EPB41: variants seen among roughly 807,000 people sequenced by gnomAD.
EPB41 encodes the protein erythrocyte membrane protein band 4.1, also known as protein 4.1.
Under a neutral mutation model 108.0 loss-of-function variants are expected in EPB41, and 65 were observed. The ratio of observed to expected loss-of-function variants is 0.60; its 90% confidence interval spans 0.49 to 0.74. EPB41 has a LOEUF of 0.74. Among genes scored for constraint, EPB41 ranks in the 30% least tolerant of loss-of-function variants. EPB41 has a pLI of 0.00. For missense variants in EPB41, 875 were observed against 1,037.0 expected (o/e 0.84, Z 2.15); for synonymous variants, 336 against 358.9 (o/e 0.94, Z 0.72).
At chr1:29,035,695 C>A in intron 9 of EPB41, 131 bp from the exon 10 acceptor site, 1 of 695,660 alleles carries the variant, frequency 1.4e-6, no homozygotes, top group South Asian at 1.9e-5. Flanking sequence ...TTCCAAATGA[C>A]ATTTTATGTC....
intron 1 of EPB41, among the ~76,000 whole-genome samples, chr1:28,970,508 A>C (rs141702336): frequency 6.6e-6 from 1 of 152,294 alleles, no homozygotes; most frequent in East Asian, 1.9e-4. Flanking sequence ...TTTACCTTGA[A>C]ATTTTTAAGG....
chr1:29,019,800 C>T (rs887623658), intron 7 of EPB41, among the ~76,000 whole-genome samples: 2 of 152,092 alleles, frequency 1.3e-5, no homozygotes, highest in Non-Finnish European at 2.9e-5. Context: ...ATTCTAGGTG[C>T]GTTATTGCCC....
intron 17 of EPB41, among the ~76,000 whole-genome samples, chr1:29,108,931 G>A (rs1419052124): frequency 1.3e-5 from 2 of 150,942 alleles, no homozygotes; most frequent in Non-Finnish European, 2.9e-5. Context: ...GGGTGCGGTA[G>A]CTCACACCTG....
intron 5 of EPB41, among the ~76,000 whole-genome samples, chr1:29,014,098 C>T (rs1308829370): frequency 7.2e-5 from 11 of 151,834 alleles, no homozygotes; most frequent in African/African-American, 2.4e-4. Context: ...AGGTGGATCA[C>T]CTGAGGTCAG....
At chr1:29,100,495 G>A (rs1664946579) in intron 17 of EPB41, among the ~76,000 whole-genome samples, 1 of 146,972 alleles carries the variant, frequency 6.8e-6, no homozygotes, top group Non-Finnish European at 1.5e-5. Flanking sequence ...TAAAATAAAA[G>A]CACGTGCATT....
intron 16 of EPB41, among the ~76,000 whole-genome samples, chr1:29,092,606 A>AT (rs996152084): frequency 6.6e-6 from 1 of 152,028 alleles, no homozygotes; most frequent in Non-Finnish European, 1.5e-5. Flanking sequence ...ATGTAGGTAA[A>AT]TTCGTGTCAT....
intron 16 of EPB41, chr1:29,097,010 A>C (rs1002288665): frequency 5.9e-5 from 9 of 152,236 alleles, no homozygotes; most frequent in Non-Finnish European, 1.3e-4. Context: ...TCAGGCCCCA[A>C]ATAATTTATG....
chr1:28,989,824 C>G (rs890823755), intron 2 of EPB41, among the ~76,000 whole-genome samples: 2 of 152,006 alleles, frequency 1.3e-5, no homozygotes, highest in African/African-American at 4.8e-5. Context: ...AGAGTGAAAC[C>G]GGTAAAAGCT....
At chr1:28,967,555 A>C (rs2095390818) in intron 1 of EPB41, among the ~76,000 whole-genome samples, 1 of 151,876 alleles carries the variant, frequency 6.6e-6, no homozygotes, top group Non-Finnish European at 1.5e-5. Flanking sequence ...TATGAATTCG[A>C]CCTTCCTTTC....
At chr1:28,954,675 T>C (rs1381652436) in intron 1 of EPB41, among the ~76,000 whole-genome samples, 1 of 152,222 alleles carries the variant, frequency 6.6e-6, no homozygotes, top group Admixed American at 6.5e-5. Flanking sequence ...TTTAAAAATC[T>C]TTCACTGACT....
At chr1:28,990,110 G>C (rs1343191006) in intron 2 of EPB41, among the ~76,000 whole-genome samples, 2 of 151,560 alleles carry the variant, frequency 1.3e-5, no homozygotes, top group African/African-American at 4.8e-5. Flanking sequence ...CAAAAAATTA[G>C]CTGGGCGTGG....
intron 4 of EPB41, among the ~76,000 whole-genome samples, chr1:29,004,324 G>A (rs1012749185): frequency 2.6e-5 from 4 of 152,266 alleles, no homozygotes; most frequent in Admixed American, 2.0e-4. Context: ...TATAGTCATT[G>A]TCTTTTTCCA....
At chr1:28,969,907 C>A (rs945561620) in intron 1 of EPB41, among the ~76,000 whole-genome samples, 1 of 151,878 alleles carries the variant, frequency 6.6e-6, no homozygotes, top group African/African-American at 2.4e-5. Flanking sequence ...TCTCAAAAAA[C>A]AAACAAACAA....
chr1:29,035,094 ACCTCAGCCT>A (rs1638959532), intron 9 of EPB41, among the ~76,000 whole-genome samples: 2 of 146,692 alleles, frequency 1.4e-5, no homozygotes, highest in South Asian at 4.3e-4. Context: ...TGATTCTCCT[ACCTCAGCCT>A]CCTGAGTAGC....
chr1:28,925,307 T>TTGC (rs2093382614), intron 1 of EPB41, among the ~76,000 whole-genome samples: 1 of 152,136 alleles, frequency 6.6e-6, no homozygotes, highest in Non-Finnish European at 1.5e-5. Flanking sequence ...GGATGGGGTC[T>TTGC]CCATATGTTG....
At chr1:28,979,955 G>A (rs544328967) in intron 1 of EPB41, among the ~76,000 whole-genome samples, 3 of 152,330 alleles carry the variant, frequency 2.0e-5, no homozygotes, top group African/African-American at 7.2e-5. Context: ...AAAATGTTAT[G>A]AATAAACTTT....
intron 16 of EPB41, chr1:29,066,029 C>T (rs868354884): frequency 4.0e-5 from 6 of 148,764 alleles, no homozygotes; most frequent in African/African-American, 1.5e-4. Context: ...TAATATTAAA[C>T]TTTTAATACA....
chr1:28,891,977 C>T (rs2090158036), intron 1 of EPB41, among the ~76,000 whole-genome samples: 1 of 151,328 alleles, frequency 6.6e-6, no homozygotes, highest in South Asian at 2.1e-4. Flanking sequence ...TCTATAATCC[C>T]AGCTACTCGG....
rs1313651237 is a variant in EPB41, at chr1:29,115,382, G to T, written c.2497-317G>T. On this transcript the variant is annotated intron_variant, in intron 19 of 20. Transcript: ENST00000343067. The surrounding 1 kb of genome is among the most constrained non-coding windows in gnomAD (Gnocchi z 4.4). Reference sequence around the variant, plus strand: ...CACTCCAGCCTGGGTGACGGAGCGAGACTCCATCTCAACAACAACAAAAAA... The same window carrying T: ...CACTCCAGCCTGGGTGACGGAGCGATACTCCATCTCAACAACAACAAAAAA... 6.6e-6 allele frequency among the ~76,000 whole-genome samples: 1 copy of T among 151,984 alleles called. No homozygotes were observed. The highest frequency in any genetic ancestry group is 6.6e-5 in the Admixed American group (1 of 15,246).
Sources: allele counts gnomAD v4.1 joint callset (sites outside exome capture counted in the v4.1 genomes callset), GRCh38; gene constraint gnomAD v4.1.1; non-coding constraint Gnocchi (gnomAD v3.1); transcripts MANE v1.5; gene names NCBI Gene and HGNC (gene_info 2026-07-23, HGNC 2026-07-21).